The following LMTK3 variants were observed in gnomAD, a reference collection of about 807,000 sequenced individuals.
LMTK3 encodes the protein lemur tail kinase 3, also known as serine/threonine-protein kinase LMTK3.
In LMTK3, 27 loss-of-function variants were observed where a neutral mutation model predicts 116.7. The ratio of observed to expected loss-of-function variants is 0.23; its 90% confidence interval spans 0.17 to 0.32. The LOEUF (loss-of-function observed/expected upper bound fraction) is 0.32, where lower values mean the gene tolerates loss of function less well. Ranked by LOEUF, LMTK3 falls within the 10% of genes least tolerant of loss-of-function variation. The pLI is 1.00. For missense variants in LMTK3, 1,764 were observed against 2,068.5 expected (o/e 0.85, Z 2.86); for synonymous variants, 965 against 971.0 (o/e 0.99, Z 0.11).
In LMTK3 at chr19:48,500,375, G is replaced by T. The variant is rs926966228; in HGVS notation, c.1152-458C>A. On this transcript the variant is annotated intron_variant, in intron 10 of 14. Transcript: ENST00000600059. This position sits in a 1 kb window ranked among gnomAD's most constrained non-coding sequence, Gnocchi z 4.0. ...GGAGGCGGAGGTTGCAGTGAGCCAA[G>T]ATCGTGCCATCGCACTCCAGCCTGG... 1.3e-5 allele frequency among the ~76,000 whole-genome samples: 2 copies of T among 151,698 alleles called. No homozygotes were observed. Among genetic ancestry groups the T allele is most frequent in the African/African-American group, 4.8e-5 (2 of 41,288 alleles).
intron 5 of LMTK3, among the ~76,000 whole-genome samples, chr19:48,507,601 T>C (rs1000829909): frequency 6.6e-6 from 1 of 152,064 alleles, no homozygotes; most frequent in Non-Finnish European, 1.5e-5. Context: ...TTAATTAGCT[T>C]ACATTTTATT....
Position 48,497,242 on chromosome 19 carries a change from G to T in LMTK3, c.3676+151C>A. The T allele has an allele frequency of 1.2e-6, 1 of 838,950 alleles. No individual in the cohort carries two copies. Among genetic ancestry groups the T allele is most frequent in the Non-Finnish European group, 1.6e-6 (1 of 614,700 alleles). The allele number at this position is 838,950 out of a possible 1,614,324, so 52.0% of individuals were successfully genotyped here. On this transcript the variant is annotated intron_variant, in intron 11 of 14. Coordinates refer to ENST00000600059, the MANE Select transcript of LMTK3 (RefSeq NM_001388485.1). The surrounding 1 kb of genome is among the most constrained non-coding windows in gnomAD (Gnocchi z 5.7). Reference sequence around the variant, plus strand: ...CCAAGGCCAAAGAGCTAGAGAGGGGGCTGAGCCACGATGTGAGCCCAGGTG... The same window carrying T: ...CCAAGGCCAAAGAGCTAGAGAGGGGTCTGAGCCACGATGTGAGCCCAGGTG...
rs140549452 is a variant in LMTK3 at position 48,508,375 on chromosome 19, T to C, written c.557+476A>G. Among the ~76,000 whole-genome samples, 4 of 152,198 alleles carry C rather than the reference T, an allele frequency of 2.6e-5. No homozygotes were observed. The East Asian group carries it at 7.7e-4, about 29-fold the overall frequency. On this transcript the variant is annotated intron_variant, in intron 5 of 14. Transcript: ENST00000600059. The stretch of plus-strand genomic sequence containing the variant: ...GGAATTTATCTGGCAAATGGATACC[T>C]AGACCCCATCCTAGAAGCACTGAGA...
In LMTK3 at chr19:48,499,098, A is replaced by C; in HGVS notation, c.1971T>G (p.Leu657=). Residue 657 remains leucine (L), a synonymous_variant, in exon 11 of 15, where the codon CTT becomes CTG. Coordinates refer to ENST00000600059, the MANE Select transcript of LMTK3 (RefSeq NM_001388485.1). ...GSSPGEDSSS[L]GGGPSRRGPL... Reference sequence around the variant, plus strand: ...GACCCCGGCGGCTTGGGCCACCTCCAAGGCTGCTGCTGTCTTCCCCTGGGG... The same window carrying C: ...GACCCCGGCGGCTTGGGCCACCTCCCAGGCTGCTGCTGTCTTCCCCTGGGG... 6.4e-7 allele frequency: 1 copy of C among 1,555,668 alleles called. No homozygotes were observed. Among genetic ancestry groups the C allele is most frequent in the Non-Finnish European group, 8.7e-7 (1 of 1,155,712 alleles).
intron 14 of LMTK3, among the ~76,000 whole-genome samples, chr19:48,490,095 C>T (rs1028728700): frequency 6.6e-6 from 1 of 152,204 alleles, no homozygotes; most frequent in Non-Finnish European, 1.5e-5. Context: ...CGATATGGCG[C>T]ATGTGAAACG....
intron 1 of LMTK3, 115 bp from the exon 2 acceptor site, chr19:48,510,707 G>A (rs1972643284): frequency 4.0e-6 from 5 of 1,255,784 alleles, no homozygotes; most frequent in Admixed American, 3.1e-5. Flanking sequence ...TCTGCGACCA[G>A]GGTCCCTTGG....
rs941937929 is a variant in LMTK3, at chr19:48,500,114, C to A, written c.1152-197G>T. On this transcript the variant is annotated intron_variant, in intron 10 of 14. Coordinates refer to ENST00000600059, the MANE Select transcript of LMTK3 (RefSeq NM_001388485.1). This position sits in a 1 kb window ranked among gnomAD's most constrained non-coding sequence, Gnocchi z 4.0. ...GGACAGAGATCCAGAGACAGAGGGA[C>A]AGAGACCCAGAGAGAGAGGGACAGA... Among the ~76,000 whole-genome samples, 2 of 151,112 alleles carry A rather than the reference C, an allele frequency of 1.3e-5. No homozygotes were observed. Among genetic ancestry groups the A allele is most frequent in the Non-Finnish European group, 1.5e-5 (1 of 67,884 alleles).
At position 48,501,146 on chromosome 19, in the gene LMTK3, C is replaced by T. The variant is rs1356260005; in HGVS notation, c.1002-1G>A. ...CTCCCACAGGGTCACCCCCAGGGAC[C>T]TGCAGAGAGCAGAGAGAGGTCAGAG... is the stretch of plus-strand genomic sequence containing the variant. On this transcript the variant is annotated splice_acceptor_variant, in intron 9 of 14. Coordinates refer to ENST00000600059, the MANE Select transcript of LMTK3 (RefSeq NM_001388485.1). LOFTEE classifies it high-confidence loss of function. 1 of 1,611,438 alleles carries T rather than the reference C, an allele frequency of 6.2e-7. No individual in the cohort carries two copies. The highest frequency in any genetic ancestry group is 8.5e-7 in the Non-Finnish European group (1 of 1,178,784).
intron 5 of LMTK3, among the ~76,000 whole-genome samples, chr19:48,507,215 G>A (rs1280502922): frequency 6.6e-6 from 1 of 152,252 alleles, no homozygotes; most frequent in African/African-American, 2.4e-5. Flanking sequence ...GCCAAGGCCG[G>A]CCGCTCTGCT....
intron 6 of LMTK3, 57 bp downstream of exon 6, chr19:48,502,852 G>GC (rs1972496742): frequency 7.6e-7 from 1 of 1,313,794 alleles, no homozygotes; most frequent in Non-Finnish European, 1.1e-6. Context: ...ACCAGGCTTG[G>GC]CCCCGGCCTT....
chr19:48,487,631 C>G (rs994069205), intron 14 of LMTK3, among the ~76,000 whole-genome samples: 1 of 152,142 alleles, frequency 6.6e-6, no homozygotes, highest in African/African-American at 2.4e-5. Context: ...GGAACTCCGA[C>G]CAAACTTTCC....
chr19:48,511,547 A>G lies in LMTK3; in HGVS notation c.30T>C (p.Leu10=). Residue 10 remains leucine (L), a synonymous_variant, in exon 1 of 15, where the codon CTT becomes CTC. Transcript: ENST00000600059. ...GGCAGCCGGAGGCGGAGACGGCCGC[A>G]AGGAGGATGAGGGCGCCGGGGGCAG... MPAPGALIL[L]AAVSASGCLA... is the part of the protein sequence containing the mutation. 6.9e-7 allele frequency: 1 copy of G among 1,439,180 alleles called. No homozygotes were observed. Among genetic ancestry groups the G allele is most frequent in the South Asian group, 1.5e-5 (1 of 68,918 alleles). 89.2% of individuals were successfully genotyped at this position (1,439,180 alleles called of 1,614,324 possible). A position where few individuals can be genotyped will look rare whatever the true frequency, so the allele number is the denominator to read the frequency against.
At chr19:48,508,207 G>T (rs543913453) in intron 5 of LMTK3, among the ~76,000 whole-genome samples, 1 of 152,110 alleles carries the variant, frequency 6.6e-6, no homozygotes, top group African/African-American at 2.4e-5. Flanking sequence ...CCTGTAGGCA[G>T]TAGGGAGCCA....
rs550603752 is a variant in LMTK3, at chr19:48,496,338, G to A, written c.3676+1055C>T. Among the ~76,000 whole-genome samples, 24 of 142,448 alleles carry A rather than the reference G, an allele frequency of 1.7e-4. 1 individual carries two copies. The highest frequency in any genetic ancestry group is 2.7e-4 in the Non-Finnish European group (18 of 66,186). 93.5% of individuals were successfully genotyped at this position (142,448 alleles called of 152,430 possible). On this transcript the variant is annotated intron_variant, in intron 11 of 14. Coordinates refer to ENST00000600059, the MANE Select transcript of LMTK3 (RefSeq NM_001388485.1). ...TTCTGAGACAGAGTCTCGCTTTATC[G>A]CCCAGGCTGGAGTGCAGTGGCACAA...
At chr19:48,492,607 C>G (rs1972245229) in intron 12 of LMTK3, among the ~76,000 whole-genome samples, 1 of 152,158 alleles carries the variant, frequency 6.6e-6, no homozygotes, top group Admixed American at 6.5e-5. Flanking sequence ...CTGAAGCCCA[C>G]CTGCAGCCTA....
intron 11 of LMTK3, among the ~76,000 whole-genome samples, chr19:48,495,046 G>C (rs1050966644): frequency 6.6e-6 from 1 of 150,812 alleles, no homozygotes; most frequent in Admixed American, 6.6e-5. Context: ...TCTTGCTCTC[G>C]TCGCCCAGGC....
chr19:48,512,646 A>G (rs540115595), upstream of LMTK3, among the ~76,000 whole-genome samples: 1 of 152,238 alleles, frequency 6.6e-6, no homozygotes, highest in African/African-American at 2.4e-5. Flanking sequence ...CACATCACAT[A>G]CATGAGTACA....
rs1195904058 is a variant in LMTK3, at chr19:48,509,497, C to A, written c.378G>T (p.Leu126=). The A allele has an allele frequency of 2.6e-6, 4 of 1,557,670 alleles. No homozygotes were observed. In the Admixed American group the frequency reaches 7.6e-5, roughly 30 times the overall value. ...QPSHSDMTTP[L]GLSRQHLSYL... Reference sequence around the variant, plus strand: ...AGCTCAGGTGCTGCCGGCTAAGGCCCAGGGGGGTGGTCATGTCTGGGGAGG... The same window carrying A: ...AGCTCAGGTGCTGCCGGCTAAGGCCAAGGGGGGTGGTCATGTCTGGGGAGG... Residue 126 remains leucine (L), a synonymous_variant, in exon 4 of 15, where the codon CTG becomes CTT. Coordinates refer to ENST00000600059, the MANE Select transcript of LMTK3 (RefSeq NM_001388485.1).
At chr19:48,506,591 G>C (rs141798084) in intron 5 of LMTK3, among the ~76,000 whole-genome samples, 143 of 152,294 alleles carry the variant, frequency 9.4e-4, no homozygotes, top group African/African-American at 3.1e-3. Flanking sequence ...GTGTGTAACC[G>C]CGGCTCTGCT....
Sources: gnomAD v4.1 joint callset for allele counts (sites outside exome capture counted in the v4.1 genomes callset) on GRCh38, gnomAD v4.1.1 for gene constraint, Gnocchi (gnomAD v3.1) non-coding constraint, MANE v1.5 for transcripts, NCBI Gene and HGNC (gene_info 2026-07-23, HGNC 2026-07-21) for gene names.